Variants in ABHD2 observed in about 807,000 individuals in gnomAD.
ABHD2 encodes abhydrolase domain containing 2, acylglycerol lipase.
ABHD2 carries 20 observed loss-of-function variants against 48.1 expected under a neutral mutation model. That is an observed-to-expected ratio of 0.42 (90% CI 0.29 to 0.60). The LOEUF (loss-of-function observed/expected upper bound fraction) is 0.60, where lower values mean the gene tolerates loss of function less well. Among genes scored for constraint, ABHD2 ranks in the 20% least tolerant of loss-of-function variants. The pLI is 0.24. For missense variants in ABHD2, 405 were observed against 550.9 expected (o/e 0.74, Z 2.65); for synonymous variants, 209 against 214.2 (o/e 0.98, Z 0.21).
chr15:89,117,479 C>T (rs2049979963), intron 3 of ABHD2, among the ~76,000 whole-genome samples: 1 of 152,240 alleles, frequency 6.6e-6, no homozygotes, highest in African/African-American at 2.4e-5. Context: ...TTCTGAATGA[C>T]TGTGTCTTCC....
rs966933926 is a variant in ABHD2 at position 89,092,702 on chromosome 15, C to G, written c.-107+4139C>G. On this transcript the variant is annotated intron_variant, in intron 1 of 10. Coordinates refer to ENST00000352732, the MANE Select transcript of ABHD2 (RefSeq NM_152924.5). The surrounding 1 kb of genome is among the most constrained non-coding windows in gnomAD (Gnocchi z 4.4). ...TGTAAGCAAATTCGTTAAACATATT[C>G]TGTACACCACCCCTTTTTGCAGAAA... Among the ~76,000 whole-genome samples, 2 of 152,218 alleles carry G rather than the reference C, an allele frequency of 1.3e-5. No homozygotes were observed. Among genetic ancestry groups the G allele is most frequent in the African/African-American group, 4.8e-5 (2 of 41,464 alleles).
rs1401247049 is a variant in ABHD2 at position 89,186,107 on chromosome 15, A to G, written c.815+591A>G. Among the ~76,000 whole-genome samples the G allele has an allele frequency of 1.3e-5, 2 of 152,270 alleles. No individual in the cohort carries two copies. Among genetic ancestry groups the G allele is most frequent in the East Asian group, 3.9e-4 (2 of 5,174 alleles). ...TTAGAGCAGTCACGAGGTGGCTGTC[A>G]TTGTTGAGGAGACCTTCCCTGTAGG... On this transcript the variant is annotated intron_variant, in intron 7 of 10. Coordinates refer to ENST00000352732, the MANE Select transcript of ABHD2 (RefSeq NM_152924.5). The surrounding 1 kb of genome is among the most constrained non-coding windows in gnomAD (Gnocchi z 4.3).
At chr15:89,060,611 G>A in the ABHD2 span, among the ~76,000 whole-genome samples, 46 of 152,036 alleles carry the variant, frequency 3.0e-4, no homozygotes, top group African/African-American at 1.1e-3. Flanking sequence ...CAGAAGCCTA[G>A]CACTTAAGAC....
intron 9 of ABHD2, 28 bp downstream of exon 9, chr15:89,191,177 A>G (rs779449099): frequency 2.5e-6 from 4 of 1,611,096 alleles, no homozygotes; most frequent in African/African-American, 2.7e-5. Context: ...GCTCAGAATC[A>G]GCATCACTCC....
At chr15:89,130,481 G>A (rs891696015) in intron 3 of ABHD2, among the ~76,000 whole-genome samples, 1 of 152,094 alleles carries the variant, frequency 6.6e-6, no homozygotes, top group African/African-American at 2.4e-5. Context: ...TACAGTCATG[G>A]GTTCTCAGTT....
chr15:89,126,456 T>A (rs2150834661), intron 3 of ABHD2, among the ~76,000 whole-genome samples: 1 of 152,314 alleles, frequency 6.6e-6, no homozygotes, highest in Non-Finnish European at 1.5e-5. Context: ...TTCTAGAAAG[T>A]CTCGAATTTC....
Position 89,091,064 on chromosome 15 carries a change from A to C in ABHD2, c.-107+2501A>C, listed in dbSNP as rs1901578065. Among the ~76,000 whole-genome samples the C allele has an allele frequency of 6.6e-6, 1 of 152,206 alleles. No homozygotes were observed. On this transcript the variant is annotated intron_variant, in intron 1 of 10. Transcript: ENST00000352732. This position sits in a 1 kb window ranked among gnomAD's most constrained non-coding sequence, Gnocchi z 5.5. ...AAAGCTTGAAATAAACCAGATGGCA[A>C]GTACAAGGGAATGGTCTTTTTCCTC...
chr15:89,078,388 A>G, the ABHD2 span, among the ~76,000 whole-genome samples: 1 of 152,220 alleles, frequency 6.6e-6, no homozygotes, highest in African/African-American at 2.4e-5. Flanking sequence ...CAAACTCACT[A>G]TGTCAAAGGG....
intron 3 of ABHD2, among the ~76,000 whole-genome samples, chr15:89,149,440 ATTGAAG>A (rs1184774518): frequency 1.8e-4 from 27 of 152,202 alleles, no homozygotes; most frequent in Non-Finnish European, 3.7e-4. Flanking sequence ...TATTCTGTTC[ATTGAAG>A]CAAATCTCCC....
Position 89,195,583 on chromosome 15 carries a change from T to C in ABHD2, c.*160T>C. On this transcript the variant is annotated 3_prime_UTR_variant, in exon 11 of 11. Coordinates refer to ENST00000352732, the MANE Select transcript of ABHD2 (RefSeq NM_152924.5). This position sits in a 1 kb window ranked among gnomAD's most constrained non-coding sequence, Gnocchi z 5.1. ...ACACCTGTCTCGGAGTAGGCAGCTC[T>C]TCCTGGGAGCTCCAGGCTATTTTTG... 2.9e-6 allele frequency: 2 copies of C among 697,634 alleles called. No homozygotes were observed. The highest frequency in any genetic ancestry group is 3.3e-5 in the Admixed American group (1 of 30,650). 43.2% of individuals were successfully genotyped at this position (697,634 alleles called of 1,614,324 possible).
rs879553977 is a variant in ABHD2, at chr15:89,201,521, C to T, written c.*6098C>T. Reference sequence around the variant, plus strand: ...AGTGGAGCAAAAATTGTACCATAAACTTGTGTTTACTCTTTTCATTCGGAT... The same window carrying T: ...AGTGGAGCAAAAATTGTACCATAAATTTGTGTTTACTCTTTTCATTCGGAT... On this transcript the variant is annotated 3_prime_UTR_variant, in exon 11 of 11. Transcript: ENST00000352732. The T allele has an allele frequency of 1.9e-5, 30 of 1,593,876 alleles. No individual in the cohort carries two copies. The highest frequency in any genetic ancestry group is 2.7e-5 in the African/African-American group (2 of 74,500).
intron 5 of ABHD2, among the ~76,000 whole-genome samples, chr15:89,160,753 G>A (rs187022194): frequency 2.0e-5 from 3 of 152,260 alleles, no homozygotes; most frequent in African/African-American, 7.2e-5. Flanking sequence ...CAGAGGGTAG[G>A]AAGAGTGTGG....
rs2049688483 is a variant in ABHD2, at chr15:89,100,730, G to A, written c.-107+12167G>A. On this transcript the variant is annotated intron_variant, in intron 1 of 10. Coordinates refer to ENST00000352732, the MANE Select transcript of ABHD2 (RefSeq NM_152924.5). The surrounding 1 kb of genome is among the most constrained non-coding windows in gnomAD (Gnocchi z 4.4). ...TAAAAATACAAAAAATTAGCCAGGT[G>A]TGGTGGCGGGCACCTGTAATACCAG... Among the ~76,000 whole-genome samples the A allele has an allele frequency of 6.6e-6, 1 of 152,054 alleles. No individual in the cohort carries two copies. Among genetic ancestry groups the A allele is most frequent in the African/African-American group, 2.4e-5 (1 of 41,392 alleles).
At position 89,166,760 on chromosome 15, in the gene ABHD2, A is replaced by C. The variant is rs534659121; in HGVS notation, c.539-9052A>C. ...TTCAAGGCTACACTGAGCTGTGATC[A>C]TGCCACTGCACAGCCTGAGCTACAG... On this transcript the variant is annotated intron_variant, in intron 5 of 10. Coordinates refer to ENST00000352732, the MANE Select transcript of ABHD2 (RefSeq NM_152924.5). This position sits in a 1 kb window ranked among gnomAD's most constrained non-coding sequence, Gnocchi z 4.6. Among the ~76,000 whole-genome samples the C allele has an allele frequency of 3.3e-5, 5 of 152,328 alleles. No homozygotes were observed. Among genetic ancestry groups the C allele is most frequent in the South Asian group, 2.1e-4 (1 of 4,828 alleles).
rs1341680476 is a variant in ABHD2 at position 89,188,092 on chromosome 15, G to A, written c.816-101G>A. ...AAAGGTTCTATTTCTAACTGACCAC[G>A]TTGGCTCTCCCTCCTGGCTTGCTGT... On this transcript the variant is annotated intron_variant, in intron 7 of 10. Transcript: ENST00000352732. This position sits in a 1 kb window ranked among gnomAD's most constrained non-coding sequence, Gnocchi z 4.1. 8 of 899,532 alleles carry A rather than the reference G, an allele frequency of 8.9e-6. No individual in the cohort carries two copies. Among genetic ancestry groups the A allele is most frequent in the Admixed American group, 5.9e-5 (3 of 50,506 alleles). The allele number at this position is 899,532 out of a possible 1,614,324, so 55.7% of individuals were successfully genotyped here. A position where few individuals can be genotyped will look rare whatever the true frequency, so the allele number is the denominator to read the frequency against.
chr15:89,113,391 C>A (rs2049906466), intron 1 of ABHD2, among the ~76,000 whole-genome samples: 1 of 152,228 alleles, frequency 6.6e-6, no homozygotes, highest in African/African-American at 2.4e-5. Context: ...ATTGGTCACA[C>A]AGAGATGTTA....
chr15:89,086,454 G>T (rs1291315907), upstream of ABHD2, among the ~76,000 whole-genome samples: 10 of 151,820 alleles, frequency 6.6e-5, no homozygotes, highest in Admixed American at 6.6e-4. Context: ...TCACTCTGTG[G>T]CCCAGGCTGG....
At chr15:89,060,151 C>T in the ABHD2 span, among the ~76,000 whole-genome samples, 2 of 141,652 alleles carry the variant, frequency 1.4e-5, no homozygotes, top group Admixed American at 7.5e-5. Context: ...AGTGCAATGG[C>T]GCGATCTCAG....
chr15:89,141,334 A>G (rs1266724548), intron 3 of ABHD2, among the ~76,000 whole-genome samples: 2 of 152,032 alleles, frequency 1.3e-5, no homozygotes, highest in Non-Finnish European at 2.9e-5. Context: ...ATGTGACCCC[A>G]CTATAAAAAC....
Sources: allele counts gnomAD v4.1 joint callset (sites outside exome capture counted in the v4.1 genomes callset), GRCh38; gene constraint gnomAD v4.1.1; non-coding constraint Gnocchi (gnomAD v3.1); transcripts MANE v1.5; gene names NCBI Gene and HGNC (gene_info 2026-07-23, HGNC 2026-07-21).